Variants in A3GALT2 observed in about 807,000 individuals in gnomAD.
A3GALT2 encodes the protein alpha 1,3-galactosyltransferase 2.
Under a neutral mutation model 16.6 loss-of-function variants are expected in A3GALT2, and 14 were observed. That is an observed-to-expected ratio of 0.84 (90% confidence interval 0.56 to 1.32). A3GALT2 has a LOEUF of 1.32. Ranked by LOEUF, A3GALT2 falls within the 40% of genes most tolerant of loss-of-function variation. A3GALT2 has a pLI of 0.00. For missense variants in A3GALT2, 600 were observed against 490.9 expected (o/e 1.22, Z -2.10); for synonymous variants, 253 against 218.0 (o/e 1.16, Z -1.42).
In A3GALT2 at chr1:33,307,115, T is replaced by C. The variant is rs1324226680; in HGVS notation, c.674A>G (p.Tyr225Cys). ...ESVAQLHSWH[Y>C]HWPSWLLPFE... ...GGGCAGCAGCCACGACGGCCAGTGG[T>C]AGTGCCAGGAGTGCAGCTGCGCCAC... The change falls in exon 5 of 5, where the codon TAC (tyrosine) becomes TGC (cysteine). Residue 225 changes from tyrosine to cysteine, a missense_variant. Tyr to Cys is a radical substitution (Grantham distance 194). Coordinates refer to ENST00000442999, the MANE Select transcript of A3GALT2 (RefSeq NM_001080438.1). 6.5e-7 allele frequency: 1 copy of C among 1,534,780 alleles called. No homozygotes were observed. The highest frequency in any genetic ancestry group is 1.2e-5 in the South Asian group (1 of 82,068).
At chr1:33,317,101 C>T (rs1338511175) in intron 1 of A3GALT2, among the ~76,000 whole-genome samples, 4 of 152,028 alleles carry the variant, frequency 2.6e-5, no homozygotes, top group Admixed American at 6.5e-5. Flanking sequence ...ACAGAGAAGG[C>T]GTTTTGGGTC....
At chr1:33,312,385 G>A in intron 3 of A3GALT2, 116 bp downstream of exon 3, 2 of 1,302,204 alleles carry the variant, frequency 1.5e-6, no homozygotes, top group African/African-American at 3.0e-5. Context: ...TGCTGGACTT[G>A]GTGGCAGAGT....
chr1:33,312,437 C>T (rs1646237334), intron 3 of A3GALT2, 64 bp downstream of exon 3: 1 of 1,461,208 alleles, frequency 6.8e-7, no homozygotes. Flanking sequence ...AGGGCAGGGA[C>T]ATGGGGCAGA....
At chr1:33,316,987 G>A (rs551582544) in intron 1 of A3GALT2, among the ~76,000 whole-genome samples, 1 of 152,300 alleles carries the variant, frequency 6.6e-6, no homozygotes, top group South Asian at 2.1e-4. Flanking sequence ...ACAGAGATGG[G>A]GTGGCAACTG....
At chr1:33,319,434 G>A (rs147912689) in intron 1 of A3GALT2, among the ~76,000 whole-genome samples, 39 of 152,274 alleles carry the variant, frequency 2.6e-4, no homozygotes, top group African/African-American at 9.1e-4. Flanking sequence ...AAGGCTGGGC[G>A]GCCTCATTGG....
rs1351552837 is a variant in A3GALT2, at chr1:33,307,457, A to C, written c.336-4T>G. 2.0e-6 allele frequency: 3 copies of C among 1,491,292 alleles called. No individual in the cohort carries two copies. The highest frequency in any genetic ancestry group is 2.7e-6 in the Non-Finnish European group (3 of 1,131,368). The allele number at this position is 1,491,292 out of a possible 1,614,324, so 92.4% of individuals were successfully genotyped here. On this transcript the variant is annotated splice_region_variant and splice_polypyrimidine_tract_variant and intron_variant, in intron 4 of 4. Coordinates refer to ENST00000442999, the MANE Select transcript of A3GALT2 (RefSeq NM_001080438.1). ...CTCCAGGTACTTCTCCAGGTATCTA[A>C]GGGCGCGGCGCCACCGTCAGCCTGA...
intron 1 of A3GALT2, among the ~76,000 whole-genome samples, chr1:33,318,273 G>A (rs573810655): frequency 2.6e-5 from 4 of 152,278 alleles, no homozygotes; most frequent in Admixed American, 2.0e-4. Context: ...AAATTCGGAT[G>A]TGCTGGTTTA....
At chr1:33,310,445 C>G (rs755177200) in intron 4 of A3GALT2, among the ~76,000 whole-genome samples, 1 of 152,168 alleles carries the variant, frequency 6.6e-6, no homozygotes, top group Non-Finnish European at 1.5e-5. Context: ...ATATAGATAA[C>G]GAGGCTGCCT....
intron 1 of A3GALT2, among the ~76,000 whole-genome samples, chr1:33,317,091 A>G (rs1364743460): frequency 6.6e-6 from 1 of 152,168 alleles, no homozygotes; most frequent in Admixed American, 6.5e-5. Flanking sequence ...GAAAGCACCC[A>G]CAGAGAAGGC....
Position 33,314,076 on chromosome 1 carries a change from T to C in A3GALT2, c.24-1186A>G, listed in dbSNP as rs1157796015. 9.0e-5 allele frequency: 13 copies of C among 144,638 alleles called. No homozygotes were observed. The East Asian group carries it at 2.6e-3, about 29-fold the overall frequency. 9.0% of individuals were successfully genotyped at this position (144,638 alleles called of 1,614,324 possible). On this transcript the variant is annotated intron_variant, in intron 1 of 4. Transcript: ENST00000442999. ...TTCCTCTTTTTTTTTTTTTTTTTTT[T>C]TTTTGAGATGGAGTCTCGCTCTGTA...
intron 4 of A3GALT2, among the ~76,000 whole-genome samples, chr1:33,308,991 A>G (rs1393659808): frequency 6.6e-6 from 1 of 151,596 alleles, no homozygotes; most frequent in Non-Finnish European, 1.5e-5. Flanking sequence ...TGCTGCCTTC[A>G]AGCATCTGTT....
intron 4 of A3GALT2, among the ~76,000 whole-genome samples, chr1:33,308,263 A>G (rs976810216): frequency 1.3e-5 from 2 of 151,352 alleles, no homozygotes; most frequent in Non-Finnish European, 2.9e-5. Flanking sequence ...AAGAAGTCCC[A>G]GAACTTGGGT....
At chr1:33,316,916 G>T (rs973964276) in intron 1 of A3GALT2, among the ~76,000 whole-genome samples, 1 of 152,296 alleles carries the variant, frequency 6.6e-6, no homozygotes, top group Non-Finnish European at 1.5e-5. Flanking sequence ...AGGACTTAAG[G>T]AGAGGCACAT....
At chr1:33,309,905 G>A (rs12734172) in intron 4 of A3GALT2, among the ~76,000 whole-genome samples, 26,285 of 152,230 alleles carry the variant, frequency 0.17, 2,804 homozygotes, top group South Asian at 0.27. Flanking sequence ...ATGGGGAGGC[G>A]GCCGGGCAGA....
Position 33,320,463 on chromosome 1 carries a change from C to T in A3GALT2, c.23+613G>A, listed in dbSNP as rs1182584433. On this transcript the variant is annotated intron_variant, in intron 1 of 4. Transcript: ENST00000442999. The surrounding 1 kb of genome is among the most constrained non-coding windows in gnomAD (Gnocchi z 4.3). ...GTCAGGCCTGGGAGGGTGCTGAGAC[C>T]CAGGACTGGGTGGGACCCACCAGCT... Among the ~76,000 whole-genome samples the T allele has an allele frequency of 6.6e-6, 1 of 151,976 alleles. No individual in the cohort carries two copies. The highest frequency in any genetic ancestry group is 2.4e-5 in the African/African-American group (1 of 41,428).
chr1:33,312,746 A>T, intron 2 of A3GALT2, 61 bp downstream of exon 2: 1 of 1,519,692 alleles, frequency 6.6e-7, no homozygotes, highest in South Asian at 1.2e-5. Context: ...AGGCACTTAG[A>T]CAGATCCCCT....
chr1:33,315,989 A>G lies in A3GALT2; in HGVS notation c.24-3099T>C, dbSNP rs544487618. 3.3e-5 allele frequency among the ~76,000 whole-genome samples: 5 copies of G among 152,288 alleles called. No homozygotes were observed. In the East Asian group the frequency reaches 9.7e-4, roughly 29 times the overall value. On this transcript the variant is annotated intron_variant, in intron 1 of 4. Transcript: ENST00000442999. ...GACACACTGAAAACAGATGTGTGGAACACGGCACAATGAATGCTGTGATTG... is the reference window on the plus strand; with the variant it reads ...GACACACTGAAAACAGATGTGTGGAGCACGGCACAATGAATGCTGTGATTG...
chr1:33,308,750 G>GTTTTTTTTTTTTTTTTTTTTTTT (rs56655319), intron 4 of A3GALT2, among the ~76,000 whole-genome samples: 6 of 46,128 alleles, frequency 1.3e-4, no homozygotes, highest in African/African-American at 3.7e-4. Context: ...TGTCAAAGTT[G>GTTTTTTTTTTTTTTTTTTTTTTT]TTTTTTTTTT....
At chr1:33,316,963 G>A (rs562043894) in intron 1 of A3GALT2, among the ~76,000 whole-genome samples, 14 of 152,214 alleles carry the variant, frequency 9.2e-5, no homozygotes, top group Admixed American at 4.6e-4. Flanking sequence ...TCCAGAAGTC[G>A]GGCTGTAAGG....
Sources: allele counts gnomAD v4.1 joint callset (sites outside exome capture counted in the v4.1 genomes callset), GRCh38; gene constraint gnomAD v4.1.1; non-coding constraint Gnocchi (gnomAD v3.1); transcripts MANE v1.5; gene names NCBI Gene and HGNC (gene_info 2026-07-23, HGNC 2026-07-21).